CFAP20DC: variants seen among roughly 807,000 people sequenced by gnomAD.
CFAP20DC encodes CFAP20 domain containing.
In CFAP20DC, 84 loss-of-function variants were observed where a neutral mutation model predicts 101.7. That is an observed-to-expected ratio of 0.83 (90% CI 0.69 to 0.99). CFAP20DC has a LOEUF of 0.99. CFAP20DC is among the 50% of genes least tolerant of loss of function. CFAP20DC has a pLI of 0.00. For synonymous variants in CFAP20DC, 359 were observed against 351.2 expected (o/e 1.02, Z -0.25); for missense variants, 1,007 against 970.3 (o/e 1.04, Z -0.50).
Position 59,039,618 on chromosome 3 carries a change from G to A in CFAP20DC, c.217C>T (p.Gln73Ter). 1.3e-6 allele frequency: 2 copies of A among 1,523,776 alleles called. No individual in the cohort carries two copies. The highest frequency in any genetic ancestry group is 1.8e-6 in the Non-Finnish European group (2 of 1,138,610). The allele number at this position is 1,523,776 out of a possible 1,614,324, so 94.4% of individuals were successfully genotyped here. A position where few individuals can be genotyped will look rare whatever the true frequency, so the allele number is the denominator to read the frequency against. Reference sequence around the variant, plus strand: ...TAAATCTGAAGTACAAGAAACCTCTGGATCAATCCAACTAGAATGAAGAGG... The same window carrying A: ...TAAATCTGAAGTACAAGAAACCTCTAGATCAATCCAACTAGAATGAAGAGG... ...KENKQSLGLI[Q>*]RFLVLQIYVP... Residue 73 changes from glutamine to a stop codon, truncating the protein, a stop_gained, in exon 4 of 17, where the codon CAG becomes TAG. Transcript: ENST00000482387. LOFTEE classifies it high-confidence loss of function.
chr3:58,931,868 TCTC>T (rs1194810615), intron 5 of CFAP20DC, among the ~76,000 whole-genome samples: 1 of 152,054 alleles, frequency 6.6e-6, no homozygotes, highest in East Asian at 1.9e-4. Flanking sequence ...GCAGAGCACC[TCTC>T]CTCCTCCAAA....
chr3:59,049,271 G>A (rs578056329), intron 1 of CFAP20DC, among the ~76,000 whole-genome samples: 117 of 152,280 alleles, frequency 7.7e-4, no homozygotes, highest in African/African-American at 2.7e-3. Context: ...TCTCCAAAGC[G>A]CTTTGTTAAA....
intron 6 of CFAP20DC, among the ~76,000 whole-genome samples, chr3:58,903,067 T>C (rs1237190127): frequency 6.6e-6 from 1 of 152,174 alleles, no homozygotes; most frequent in Non-Finnish European, 1.5e-5. Flanking sequence ...GTATCAGATA[T>C]ATGATTTGCA....
rs971360102 is a variant in CFAP20DC, at chr3:58,868,615, T to G, written c.1016-679A>C. On this transcript the variant is annotated intron_variant, in intron 9 of 16. Transcript: ENST00000482387. This position sits in a 1 kb window ranked among gnomAD's most constrained non-coding sequence, Gnocchi z 4.6. ...TTAAGAAACTTGATCAAGGCCTCAC[T>G]GACAGGCAGCTAGGGCTGGATTTCT... 6.6e-6 allele frequency among the ~76,000 whole-genome samples: 1 copy of G among 152,202 alleles called. No homozygotes were observed. The highest frequency in any genetic ancestry group is 1.9e-4 in the East Asian group (1 of 5,202).
intron 14 of CFAP20DC, among the ~76,000 whole-genome samples, chr3:58,824,752 A>G (rs2075926685): frequency 6.6e-6 from 1 of 151,920 alleles, no homozygotes. Flanking sequence ...TGCCATGTTG[A>G]TGGATGCATG....
At chr3:58,860,037 C>T (rs1023992663) in intron 12 of CFAP20DC, among the ~76,000 whole-genome samples, 2 of 151,594 alleles carry the variant, frequency 1.3e-5, no homozygotes, top group Non-Finnish European at 1.5e-5. Flanking sequence ...ATTAGCCAGG[C>T]GTGGTGGTGT....
chr3:59,031,181 T>C (rs1356224791), intron 4 of CFAP20DC, among the ~76,000 whole-genome samples: 1 of 152,154 alleles, frequency 6.6e-6, no homozygotes, highest in African/African-American at 2.4e-5. Context: ...AGTAATAAGC[T>C]CTAGTGTTTG....
At chr3:58,982,724 G>C (rs1164665905) in intron 4 of CFAP20DC, among the ~76,000 whole-genome samples, 2 of 108,382 alleles carry the variant, frequency 1.8e-5, no homozygotes, top group African/African-American at 7.0e-5. Context: ...GGGGGAGGGG[G>C]GAGGGATAGC....
intron 13 of CFAP20DC, among the ~76,000 whole-genome samples, chr3:58,832,728 C>T (rs1447938996): frequency 6.6e-6 from 1 of 152,158 alleles, no homozygotes; most frequent in Non-Finnish European, 1.5e-5. Context: ...AATACTACTA[C>T]AGATCTTTAG....
At chr3:58,926,739 G>C (rs971188067) in intron 5 of CFAP20DC, among the ~76,000 whole-genome samples, 1 of 152,164 alleles carries the variant, frequency 6.6e-6, no homozygotes, top group African/African-American at 2.4e-5. Context: ...CAGAGCTGTG[G>C]TTCAAGATGG....
chr3:59,046,823 T>A (rs1423671099), intron 2 of CFAP20DC, among the ~76,000 whole-genome samples: 1 of 151,994 alleles, frequency 6.6e-6, no homozygotes, highest in Non-Finnish European at 1.5e-5. Flanking sequence ...GGTAAGACAG[T>A]AGGGATGAAT....
intron 4 of CFAP20DC, among the ~76,000 whole-genome samples, chr3:58,949,159 G>A (rs1344364058): frequency 3.3e-5 from 5 of 151,972 alleles, no homozygotes; most frequent in African/African-American, 2.4e-5. Context: ...TTTTTATTGT[G>A]TCTATTTGAT....
chr3:58,831,394 C>T (rs2076382251), intron 14 of CFAP20DC, among the ~76,000 whole-genome samples: 1 of 152,196 alleles, frequency 6.6e-6, no homozygotes, highest in African/African-American at 2.4e-5. Flanking sequence ...CTAGGGGATA[C>T]AATGGGACAC....
chr3:58,926,300 A>G (rs2085961083), intron 5 of CFAP20DC, among the ~76,000 whole-genome samples: 1 of 151,994 alleles, frequency 6.6e-6, no homozygotes, highest in South Asian at 2.1e-4. Flanking sequence ...TGAGAGGCAG[A>G]GGTTGCAGTG....
intron 16 of CFAP20DC, 94 bp from the exon 17 acceptor site, chr3:58,742,666 G>T (rs980211582): frequency 3.7e-6 from 3 of 808,970 alleles, no homozygotes; most frequent in South Asian, 4.2e-5. Flanking sequence ...ATCTCTCCTG[G>T]GGGATTTTCT....
rs867948499 is a variant in CFAP20DC, at chr3:58,808,413, C to T, written c.2176-1957G>A. Among the ~76,000 whole-genome samples, 104 of 152,350 alleles carry T rather than the reference C, an allele frequency of 6.8e-4. No homozygotes were observed. The Middle Eastern group carries it at 0.01, about 15-fold the overall frequency. On this transcript the variant is annotated intron_variant, in intron 14 of 16. Coordinates refer to ENST00000482387, the MANE Select transcript of CFAP20DC (RefSeq NM_001394063.1). ...GAAAAGAGTGGGGACCAATATTCAACATTCTTAAAGAAAAGAATTTTCAAC... is the reference window on the plus strand; with the variant it reads ...GAAAAGAGTGGGGACCAATATTCAATATTCTTAAAGAAAAGAATTTTCAAC...
intron 14 of CFAP20DC, among the ~76,000 whole-genome samples, chr3:58,817,136 C>CTGTA (rs1350781193): frequency 6.6e-6 from 1 of 151,964 alleles, no homozygotes; most frequent in Non-Finnish European, 1.5e-5. Flanking sequence ...GAAAACCCAT[C>CTGTA]TGTACATCAC....
chr3:59,019,915 A>G (rs1285440803), intron 4 of CFAP20DC, among the ~76,000 whole-genome samples: 1 of 152,066 alleles, frequency 6.6e-6, no homozygotes, highest in Non-Finnish European at 1.5e-5. Flanking sequence ...CACAGCATAT[A>G]GTAGAGTTTT....
At chr3:58,989,249 T>A (rs2108597135) in intron 4 of CFAP20DC, among the ~76,000 whole-genome samples, 1 of 152,230 alleles carries the variant, frequency 6.6e-6, no homozygotes, top group South Asian at 2.1e-4. Context: ...GGTCATTCTA[T>A]CATTGGCTCT....
Sources: gnomAD v4.1 joint callset for allele counts (sites outside exome capture counted in the v4.1 genomes callset) on GRCh38, gnomAD v4.1.1 for gene constraint, Gnocchi (gnomAD v3.1) non-coding constraint, MANE v1.5 for transcripts, NCBI Gene and HGNC (gene_info 2026-07-23, HGNC 2026-07-21) for gene names.